PACSIN2: variants seen among roughly 807,000 people sequenced by gnomAD.
PACSIN2 encodes the protein protein kinase C and casein kinase substrate in neurons protein 2.
PACSIN2 carries 25 observed loss-of-function variants against 63.8 expected under a neutral mutation model. That is an observed-to-expected ratio of 0.39 (90% CI 0.29 to 0.55). PACSIN2 has a LOEUF of 0.55. Ranked by LOEUF, PACSIN2 falls within the 20% of genes least tolerant of loss-of-function variation. The pLI is 0.62. For missense variants in PACSIN2, 518 were observed against 646.9 expected, an observed-to-expected ratio of 0.80 and a Z score of 2.16; for synonymous variants, 255 against 256.2, an observed-to-expected ratio of 1.00 and a Z score of 0.05.
At chr22:42,932,066 C>T (rs1271530157) in intron 1 of PACSIN2, among the ~76,000 whole-genome samples, 2 of 152,140 alleles carry the variant, frequency 1.3e-5, no homozygotes, top group African/African-American at 2.4e-5. Flanking sequence ...CTAACTCCTC[C>T]GCTGTACTGC....
Position 43,010,398 on chromosome 22 carries a change from A to AT in PACSIN2, c.-78+4622dup, listed in dbSNP as rs1555950816. Among the ~76,000 whole-genome samples, 108 of 126,410 alleles carry AT rather than the reference A, an allele frequency of 8.5e-4. 2 individuals carry two copies. The highest frequency in any genetic ancestry group is 2.7e-3 in the African/African-American group (97 of 35,356). The allele number at this position is 126,410 out of a possible 152,430, so 82.9% of individuals were successfully genotyped here. ...TGTTTAAAAATACATATATATATAT[A>AT]TTTTTTTTTAATTGAAAATAAAAAA... On this transcript the variant is annotated intron_variant, in intron 1 of 10. Transcript: ENST00000263246.
In PACSIN2 at chr22:42,912,066, A is replaced by G. The variant is rs375391086; in HGVS notation, c.15T>C (p.Tyr5=). Residue 5 remains tyrosine (Y), a synonymous_variant, in exon 2 of 11, where the codon TAT becomes TAC. Transcript: ENST00000263246. MSVT[Y]DDSVGVEVSS... ...ACACTTCTACTCCAACGGAATCATC[A>G]TATGTGACAGACATTTTTTCAAAGG... 9.4e-6 allele frequency: 15 copies of G among 1,600,504 alleles called. No homozygotes were observed. Among genetic ancestry groups the G allele is most frequent in the Non-Finnish European group, 1.1e-5 (13 of 1,175,292 alleles).
chr22:42,946,688 A>G (rs568111120), intron 1 of PACSIN2, among the ~76,000 whole-genome samples: 2 of 152,340 alleles, frequency 1.3e-5, no homozygotes, highest in Admixed American at 1.3e-4. Flanking sequence ...CCCTTCACAC[A>G]GGCATGCGCA....
At chr22:42,924,759 CTTTTTTTTT>C (rs112807995) in intron 1 of PACSIN2, among the ~76,000 whole-genome samples, 1 of 142,486 alleles carries the variant, frequency 7.0e-6, no homozygotes, top group South Asian at 2.3e-4. Flanking sequence ...GGTTTTTTTT[CTTTTTTTTT>C]TTTTTCGACA....
intron 3 of PACSIN2, 91 bp downstream of exon 3, chr22:42,893,366 A>G: frequency 2.2e-6 from 3 of 1,334,126 alleles, no homozygotes; most frequent in East Asian, 2.3e-5. Flanking sequence ...AAAGACAGAA[A>G]ACTGGCATAG....
intron 1 of PACSIN2, among the ~76,000 whole-genome samples, chr22:42,921,853 C>T (rs1415532334): frequency 6.6e-6 from 1 of 152,088 alleles, no homozygotes; most frequent in Non-Finnish European, 1.5e-5. Flanking sequence ...ATTCTCCTGC[C>T]TCAGCCTCCC....
At chr22:42,962,782 G>GGGGGA (rs1569329701) in intron 1 of PACSIN2, among the ~76,000 whole-genome samples, 4 of 135,552 alleles carry the variant, frequency 3.0e-5, no homozygotes, top group Non-Finnish European at 6.3e-5. Context: ...GGGCGGGGGG[G>GGGGGA]GGGGGCGGCG....
chr22:42,922,744 GCA>G (rs1932277788), intron 1 of PACSIN2, among the ~76,000 whole-genome samples: 1 of 152,242 alleles, frequency 6.6e-6, no homozygotes, highest in Non-Finnish European at 1.5e-5. Context: ...CATGTGCCAG[GCA>G]CTCTTCTAAG....
Position 42,968,191 on chromosome 22 carries a change from G to T in PACSIN2, c.-78+46830C>A, listed in dbSNP as rs151296272. ...ACAAACAGCGTGACACTGCAAGACAGCTGTGGGTGATTGCAACGGCTCCTC... is the reference window on the plus strand; with the variant it reads ...ACAAACAGCGTGACACTGCAAGACATCTGTGGGTGATTGCAACGGCTCCTC... On this transcript the variant is annotated intron_variant, in intron 1 of 10. Coordinates refer to ENST00000263246, the MANE Select transcript of PACSIN2 (RefSeq NM_001184970.3). 5.1e-3 allele frequency among the ~76,000 whole-genome samples: 782 copies of T among 152,298 alleles called. 3 individuals are homozygous for T. Among genetic ancestry groups the T allele is most frequent in the African/African-American group, 0.018 (747 of 41,542 alleles).
intron 1 of PACSIN2, among the ~76,000 whole-genome samples, chr22:42,965,694 T>C (rs1296722552): frequency 1.3e-5 from 2 of 152,172 alleles, no homozygotes. Context: ...AGGATCCAAA[T>C]GGTCCACTTT....
chr22:42,916,272 C>G (rs1931799500), intron 1 of PACSIN2, among the ~76,000 whole-genome samples: 1 of 152,086 alleles, frequency 6.6e-6, no homozygotes, highest in Admixed American at 6.5e-5. Flanking sequence ...GCTCCACAGT[C>G]ACAAGGAATG....
At chr22:42,909,683 G>T in intron 2 of PACSIN2, 1 of 437,278 alleles carries the variant, frequency 2.3e-6, no homozygotes, top group South Asian at 1.6e-5. Flanking sequence ...TTAACAGGGA[G>T]CATAAGAGCT....
At chr22:42,952,573 G>A (rs1055032261) in intron 1 of PACSIN2, among the ~76,000 whole-genome samples, 2 of 151,944 alleles carry the variant, frequency 1.3e-5, no homozygotes, top group African/African-American at 4.8e-5. Flanking sequence ...TGGCCAGGAT[G>A]GTCTCAGTCT....
At chr22:43,010,396 A>T (rs868405180) in intron 1 of PACSIN2, among the ~76,000 whole-genome samples, 13 of 62,680 alleles carry the variant, frequency 2.1e-4, no homozygotes, top group African/African-American at 8.3e-4. Context: ...ATATATATAT[A>T]TATTTTTTTT....
At chr22:42,917,812 A>G (rs1931912485) in intron 1 of PACSIN2, among the ~76,000 whole-genome samples, 1 of 150,782 alleles carries the variant, frequency 6.6e-6, no homozygotes, top group African/African-American at 2.5e-5. Context: ...CTTTTTAGAG[A>G]TGGGATCTCA....
intron 1 of PACSIN2, among the ~76,000 whole-genome samples, chr22:42,934,073 T>C (rs933097307): frequency 2.0e-5 from 3 of 152,220 alleles, no homozygotes; most frequent in Admixed American, 6.5e-5. Context: ...TTTTTCCCCA[T>C]TGGAGAAATG....
rs1555950816 is a variant in PACSIN2, at chr22:43,010,398, A to ATTTT, written c.-78+4619_-78+4622dup. 3.2e-5 allele frequency among the ~76,000 whole-genome samples: 4 copies of ATTTT among 126,396 alleles called. 1 individual carries two copies. The highest frequency in any genetic ancestry group is 2.7e-4 in the South Asian group (1 of 3,700). The allele number at this position is 126,396 out of a possible 152,430, so 82.9% of individuals were successfully genotyped here. Reference sequence around the variant, plus strand: ...TGTTTAAAAATACATATATATATATATTTTTTTTTAATTGAAAATAAAAAA... The same window carrying ATTTT: ...TGTTTAAAAATACATATATATATATATTTTTTTTTTTTTAATTGAAAATAAAAAA... On this transcript the variant is annotated intron_variant, in intron 1 of 10. Transcript: ENST00000263246.
intron 1 of PACSIN2, among the ~76,000 whole-genome samples, chr22:42,996,135 G>A (rs1201999385): frequency 3.3e-5 from 5 of 152,088 alleles, no homozygotes; most frequent in African/African-American, 1.2e-4. Context: ...TAGGAGAATG[G>A]CTTGAACCTG....
chr22:42,960,179 T>C (rs926024953), intron 1 of PACSIN2, among the ~76,000 whole-genome samples: 2 of 152,238 alleles, frequency 1.3e-5, no homozygotes, highest in African/African-American at 4.8e-5. Flanking sequence ...ATGAGTCTTC[T>C]AATATCTTCT....
Sources: allele counts gnomAD v4.1 joint callset (sites outside exome capture counted in the v4.1 genomes callset), GRCh38; gene constraint gnomAD v4.1.1; transcripts MANE v1.5; gene names NCBI Gene and HGNC (gene_info 2026-07-23, HGNC 2026-07-21).